MACROD2: variants seen among roughly 807,000 people sequenced by gnomAD.
MACROD2 encodes the protein mono-ADP ribosylhydrolase 2, also known as ADP-ribose glycohydrolase MACROD2.
Under a neutral mutation model 70.4 loss-of-function variants are expected in MACROD2, and 36 were observed. The ratio of observed to expected loss-of-function variants is 0.51; its 90% CI spans 0.39 to 0.68. The LOEUF is 0.68. Among genes scored for constraint, MACROD2 ranks in the 30% least tolerant of loss-of-function variants. The pLI, the probability that MACROD2 is intolerant of heterozygous loss-of-function variation, is 0.00. For synonymous variants in MACROD2, 172 were observed against 178.8 expected (o/e 0.96, Z 0.30); for missense variants, 496 against 538.4 (o/e 0.92, Z 0.78).
intron 5 of MACROD2, among the ~76,000 whole-genome samples, chr20:14,731,338 T>G (rs1191256512): frequency 6.6e-6 from 1 of 152,080 alleles, no homozygotes; most frequent in Non-Finnish European, 1.5e-5. Flanking sequence ...TAGAGATCGT[T>G]CTAATGAGGA....
At chr20:14,180,690 T>C (rs1296082395) in intron 3 of MACROD2, among the ~76,000 whole-genome samples, 2 of 152,020 alleles carry the variant, frequency 1.3e-5, no homozygotes, top group African/African-American at 4.8e-5. Context: ...TATTTTTCTG[T>C]TTATGTTAGT....
intron 8 of MACROD2, among the ~76,000 whole-genome samples, chr20:15,617,386 T>A (rs529370181): frequency 2.0e-4 from 30 of 152,300 alleles, no homozygotes; most frequent in Non-Finnish European, 3.5e-4. Flanking sequence ...TAGTAATTTT[T>A]AAAAATTGTG....
chr20:14,339,097 C>G (rs1234549627), intron 3 of MACROD2, among the ~76,000 whole-genome samples: 2 of 152,128 alleles, frequency 1.3e-5, no homozygotes, highest in Non-Finnish European at 2.9e-5. Context: ...ATTGTGGTCT[C>G]TTCATTAGCT....
Position 14,583,042 on chromosome 20 carries a change from C to T in MACROD2, c.301+89534C>T, listed in dbSNP as rs573971750. 7.4e-5 allele frequency among the ~76,000 whole-genome samples: 11 copies of T among 147,824 alleles called. No homozygotes were observed. In the South Asian group the frequency reaches 9.0e-4, roughly 12 times the overall value. On this transcript the variant is annotated intron_variant, in intron 4 of 17. Coordinates refer to ENST00000684519, the MANE Select transcript of MACROD2 (RefSeq NM_001351661.2). ...GGATGATGCAACTCTCTTGTCTGAGCGTATTTCCAGGCTCAGGAACTAAGG... is the reference window on the plus strand; with the variant it reads ...GGATGATGCAACTCTCTTGTCTGAGTGTATTTCCAGGCTCAGGAACTAAGG...
rs144899079 is a variant in MACROD2 at position 15,002,286 on chromosome 20, T to G, written c.419-227654T>G. Among the ~76,000 whole-genome samples, 20 of 152,212 alleles carry G rather than the reference T, an allele frequency of 1.3e-4. No homozygotes were observed. The East Asian group carries it at 3.1e-3, about 24-fold the overall frequency. On this transcript the variant is annotated intron_variant, in intron 5 of 17. Coordinates refer to ENST00000684519, the MANE Select transcript of MACROD2 (RefSeq NM_001351661.2). ...TCCACACAAACATCTAGTATTTTTT[T>G]GTTTTTTTTGGCTATGGCCATTCTT... is the stretch of plus-strand genomic sequence containing the variant.
intron 8 of MACROD2, among the ~76,000 whole-genome samples, chr20:15,570,957 AG>A: frequency 6.6e-6 from 1 of 152,310 alleles, no homozygotes; most frequent in Non-Finnish European, 1.5e-5. Context: ...AGGGGAAAAT[AG>A]ATAATTACCT....
intron 8 of MACROD2, among the ~76,000 whole-genome samples, chr20:15,729,287 G>A (rs2050908406): frequency 6.6e-6 from 1 of 152,136 alleles, no homozygotes; most frequent in East Asian, 1.9e-4. Flanking sequence ...AATTTGCTGA[G>A]CATTGTTTTA....
At chr20:14,163,744 C>A (rs1465081743) in intron 3 of MACROD2, among the ~76,000 whole-genome samples, 3 of 150,982 alleles carry the variant, frequency 2.0e-5, no homozygotes, top group Admixed American at 6.6e-5. Context: ...ACTATTGAAG[C>A]TTTTGAATAT....
intron 15 of MACROD2, among the ~76,000 whole-genome samples, chr20:16,024,092 A>G (rs1305161484): frequency 2.6e-5 from 4 of 152,224 alleles, no homozygotes; most frequent in Admixed American, 1.3e-4. Context: ...AGGTGTCTTA[A>G]TTGCGGCATT....
chr20:14,429,344 T>G (rs1351833775), intron 3 of MACROD2, among the ~76,000 whole-genome samples: 1 of 151,942 alleles, frequency 6.6e-6, no homozygotes, highest in East Asian at 1.9e-4. Flanking sequence ...TTCATGGTCC[T>G]GTTAGGTAAA....
At chr20:14,035,949 T>G (rs1222896389) in intron 2 of MACROD2, among the ~76,000 whole-genome samples, 1 of 152,216 alleles carries the variant, frequency 6.6e-6, no homozygotes, top group African/African-American at 2.4e-5. Flanking sequence ...GAGACCATCC[T>G]GGCTAACATG....
intron 4 of MACROD2, among the ~76,000 whole-genome samples, chr20:14,617,799 G>T (rs1334145888): frequency 6.6e-6 from 1 of 152,062 alleles, no homozygotes; most frequent in South Asian, 2.1e-4. Flanking sequence ...CCGAAACCCT[G>T]AGCCCTTATA....
chr20:14,046,343 G>A (rs1001564104), intron 2 of MACROD2, among the ~76,000 whole-genome samples: 17 of 152,286 alleles, frequency 1.1e-4, no homozygotes, highest in African/African-American at 3.9e-4. Flanking sequence ...GAATCATTCA[G>A]AAACAAGGAT....
chr20:15,999,913 A>T (rs1392626922), intron 15 of MACROD2, among the ~76,000 whole-genome samples: 1 of 152,218 alleles, frequency 6.6e-6, no homozygotes, highest in African/African-American at 2.4e-5. Flanking sequence ...CTTTCTGGCC[A>T]TGCCACGGAG....
intron 5 of MACROD2, among the ~76,000 whole-genome samples, chr20:14,914,444 C>T (rs2074066148): frequency 6.6e-6 from 1 of 152,154 alleles, no homozygotes; most frequent in Non-Finnish European, 1.5e-5. Flanking sequence ...AAGAAACTGA[C>T]TTTGCTTGTA....
intron 3 of MACROD2, among the ~76,000 whole-genome samples, chr20:14,165,277 C>G (rs1601300544): frequency 6.6e-6 from 1 of 152,236 alleles, no homozygotes. Flanking sequence ...CTGTGTTTCT[C>G]CTATGACTAG....
chr20:15,669,256 A>G (rs1046296789), intron 8 of MACROD2, among the ~76,000 whole-genome samples: 1 of 152,242 alleles, frequency 6.6e-6, no homozygotes, highest in East Asian at 1.9e-4. Flanking sequence ...TTGCTGCATT[A>G]TAATTTTATA....
At chr20:15,935,100 C>T (rs1435172664) in intron 11 of MACROD2, among the ~76,000 whole-genome samples, 2 of 152,172 alleles carry the variant, frequency 1.3e-5, no homozygotes, top group Non-Finnish European at 2.9e-5. Flanking sequence ...CATGCACTCA[C>T]ATTTGCCTGT....
At chr20:15,527,531 G>A (rs547183705) in intron 8 of MACROD2, among the ~76,000 whole-genome samples, 16 of 152,124 alleles carry the variant, frequency 1.1e-4, no homozygotes, top group African/African-American at 3.1e-4. Flanking sequence ...AAGTCACACC[G>A]CTCCCCAGAT....
Sources: gnomAD v4.1 joint callset for allele counts (sites outside exome capture counted in the v4.1 genomes callset) on GRCh38, gnomAD v4.1.1 for gene constraint, MANE v1.5 for transcripts, NCBI Gene and HGNC (gene_info 2026-07-23, HGNC 2026-07-21) for gene names.